Variants in SRPK2 observed in about 807,000 individuals in gnomAD.
The protein encoded by SRPK2 is SRSF protein kinase 2, also known as SFRS protein kinase 2.
In SRPK2, 21 loss-of-function variants were observed where a neutral mutation model predicts 90.8. That is an observed-to-expected ratio of 0.23 (90% CI 0.16 to 0.33). SRPK2 has a LOEUF of 0.33. Ranked by LOEUF, SRPK2 falls within the 10% of genes least tolerant of loss-of-function variation. SRPK2 has a pLI of 1.00. For synonymous variants in SRPK2, 288 were observed against 311.1 expected (o/e 0.93, Z 0.78); for missense variants, 620 against 869.0 (o/e 0.71, Z 3.60).
chr7:105,279,431 G>C (rs1806971415), intron 2 of SRPK2, among the ~76,000 whole-genome samples: 1 of 152,176 alleles, frequency 6.6e-6, no homozygotes. Context: ...GTTTGCTGCT[G>C]ATTTCTAAGT....
intron 2 of SRPK2, among the ~76,000 whole-genome samples, chr7:105,290,835 G>A (rs531780983): frequency 4.1e-4 from 61 of 148,494 alleles, no homozygotes; most frequent in Non-Finnish European, 6.9e-4. Context: ...TCAGAAGATC[G>A]AGACCATCCT....
chr7:105,120,948 C>T (rs540409777), intron 15 of SRPK2, among the ~76,000 whole-genome samples: 5 of 152,256 alleles, frequency 3.3e-5, no homozygotes, highest in Admixed American at 2.6e-4. Context: ...AATGTAGCCA[C>T]CTCCATCACT....
intron 2 of SRPK2, among the ~76,000 whole-genome samples, chr7:105,270,804 T>A (rs1483058597): frequency 6.6e-6 from 1 of 152,116 alleles, no homozygotes; most frequent in African/African-American, 2.4e-5. Context: ...GATAATAACA[T>A]ATATCTGAAA....
chr7:105,392,382 G>A (rs34028394), upstream of SRPK2, among the ~76,000 whole-genome samples: 6,325 of 152,264 alleles, frequency 0.042, 204 homozygotes, highest in Non-Finnish European at 0.062. Flanking sequence ...AAACAACAAA[G>A]TTACTTGTGT....
chr7:105,161,543 GCTGAGCCACTACTCAAGCCTACA>G (rs1182421155), intron 6 of SRPK2, among the ~76,000 whole-genome samples: 10 of 152,094 alleles, frequency 6.6e-5, no homozygotes, highest in Non-Finnish European at 1.5e-4. Flanking sequence ...GTGCCAGGTG[GCTGAGCCACTACTCAAGCCTACA>G]CTGAGCTGCA....
intron 2 of SRPK2, among the ~76,000 whole-genome samples, chr7:105,287,735 C>CA (rs1230170734): frequency 1.3e-5 from 2 of 151,870 alleles, no homozygotes; most frequent in Non-Finnish European, 2.9e-5. Flanking sequence ...GACTCCATCT[C>CA]AAAAAATAAA....
At chr7:105,173,136 T>C (rs1457048619) in intron 3 of SRPK2, among the ~76,000 whole-genome samples, 1 of 151,908 alleles carries the variant, frequency 6.6e-6, no homozygotes, top group African/African-American at 2.4e-5. Context: ...TTTAAAGAGA[T>C]GCGGGCTAGC....
chr7:105,197,611 A>C (rs1380882036), intron 3 of SRPK2, among the ~76,000 whole-genome samples: 1 of 152,196 alleles, frequency 6.6e-6, no homozygotes, highest in Non-Finnish European at 1.5e-5. Context: ...TGGAGTTAAC[A>C]AACTACAGGG....
At position 105,289,780 on chromosome 7, in the gene SRPK2, A is replaced by G. The variant is rs1034643357; in HGVS notation, c.72-85995T>C. On this transcript the variant is annotated intron_variant, in intron 2 of 15. Transcript: ENST00000393651. The stretch of plus-strand genomic sequence containing the variant: ...ATTCATACTTGTCTAATTGTTTGTC[A>G]TAAGAGGTCTAGCTTTCCTCCTTCT... Among the ~76,000 whole-genome samples, 6 of 152,058 alleles carry G rather than the reference A, an allele frequency of 3.9e-5. No homozygotes were observed. The East Asian group carries it at 5.8e-4, about 15-fold the overall frequency.
chr7:105,268,961 T>C, intron 2 of SRPK2: 13 of 1,447,708 alleles, frequency 9.0e-6, no homozygotes, highest in Non-Finnish European at 1.2e-5. Context: ...ATCCCTTTTG[T>C]TCAGAATGAG....
chr7:105,375,613 G>A (rs181827277), intron 2 of SRPK2, among the ~76,000 whole-genome samples: 1 of 152,208 alleles, frequency 6.6e-6, no homozygotes, highest in Admixed American at 6.6e-5. Context: ...AAGTACAGGT[G>A]GAAATACAAT....
chr7:105,151,196 T>A (rs1464080561), intron 7 of SRPK2, among the ~76,000 whole-genome samples: 1 of 152,082 alleles, frequency 6.6e-6, no homozygotes, highest in Non-Finnish European at 1.5e-5. Context: ...CTGGGACAAA[T>A]AAAGTTAGTT....
chr7:105,136,257 G>A (rs1318166903), intron 11 of SRPK2, among the ~76,000 whole-genome samples: 1 of 152,184 alleles, frequency 6.6e-6, no homozygotes, highest in Non-Finnish European at 1.5e-5. Context: ...AGGTAAAAGA[G>A]ATTTTGCTTT....
At chr7:105,191,562 T>C (rs759636874) in intron 3 of SRPK2, among the ~76,000 whole-genome samples, 9 of 152,130 alleles carry the variant, frequency 5.9e-5, no homozygotes, top group Non-Finnish European at 8.8e-5. Context: ...TCTATCTCTA[T>C]GGGGAAGGGG....
At chr7:105,310,002 G>C (rs1009011855) in intron 2 of SRPK2, among the ~76,000 whole-genome samples, 1 of 152,196 alleles carries the variant, frequency 6.6e-6, no homozygotes, top group Non-Finnish European at 1.5e-5. Flanking sequence ...AACTCCTCAC[G>C]CATGGGGGAG....
At chr7:105,265,779 T>A (rs1339713822) in intron 2 of SRPK2, among the ~76,000 whole-genome samples, 1 of 152,174 alleles carries the variant, frequency 6.6e-6, no homozygotes, top group Non-Finnish European at 1.5e-5. Context: ...GATTTACCCC[T>A]AAAATCTCCA....
chr7:105,155,173 G>T (rs1482221821), intron 7 of SRPK2, among the ~76,000 whole-genome samples: 2 of 151,930 alleles, frequency 1.3e-5, no homozygotes, highest in Admixed American at 1.3e-4. Context: ...GTAGAGACAA[G>T]GTTTCACTAT....
intron 2 of SRPK2, among the ~76,000 whole-genome samples, chr7:105,230,064 T>C (rs971163352): frequency 2.0e-5 from 3 of 152,218 alleles, no homozygotes; most frequent in Non-Finnish European, 4.4e-5. Context: ...GCCTCTTCTA[T>C]CCTTAAAATG....
intron 2 of SRPK2, among the ~76,000 whole-genome samples, chr7:105,247,529 TAA>T (rs1801848604): frequency 2.2e-5 from 1 of 46,196 alleles, no homozygotes; most frequent in East Asian, 5.5e-4. Flanking sequence ...CACACACACA[TAA>T]ACACACACAC....
Sources: allele counts gnomAD v4.1 joint callset (sites outside exome capture counted in the v4.1 genomes callset), GRCh38; gene constraint gnomAD v4.1.1; transcripts MANE v1.5; gene names NCBI Gene and HGNC (gene_info 2026-07-23, HGNC 2026-07-21).